The following RBFOX1 variants were observed in gnomAD, a reference collection of about 807,000 sequenced individuals.
The protein encoded by RBFOX1 is RNA binding protein fox-1 homolog 1.
A neutral mutation model predicts 57.7 loss-of-function variants in RBFOX1; 8 were observed. That is an observed-to-expected ratio of 0.14 (90% CI 0.08 to 0.25). RBFOX1 has a LOEUF of 0.25. Among genes scored for constraint, RBFOX1 ranks in the 10% least tolerant of loss-of-function variants. RBFOX1 has a pLI of 1.00. For synonymous variants in RBFOX1, 326 were observed against 222.4 expected, an observed-to-expected ratio of 1.47 and a Z score of -4.15; for missense variants, 611 against 548.5, an observed-to-expected ratio of 1.11 and a Z score of -1.14.
chr16:5,935,926 C>G (rs533770300), intron 4 of RBFOX1, among the ~76,000 whole-genome samples: 4 of 152,278 alleles, frequency 2.6e-5, no homozygotes, highest in African/African-American at 9.6e-5. Flanking sequence ...AAAACTCTAC[C>G]TCAACCAGCC....
intron 4 of RBFOX1, among the ~76,000 whole-genome samples, chr16:7,224,896 T>G (rs1329100138): frequency 6.6e-6 from 1 of 152,160 alleles, no homozygotes; most frequent in Non-Finnish European, 1.5e-5. Context: ...GGTGATTTCA[T>G]GTACTTTGAG....
At chr16:5,765,284 A>T (rs910748381) in intron 3 of RBFOX1, among the ~76,000 whole-genome samples, 1 of 152,194 alleles carries the variant, frequency 6.6e-6, no homozygotes, top group Non-Finnish European at 1.5e-5. Context: ...GCACTCCCCC[A>T]GTCTAAGACA....
chr16:6,134,519 A>C (rs985899959), intron 1 of RBFOX1, among the ~76,000 whole-genome samples: 1 of 152,260 alleles, frequency 6.6e-6, no homozygotes, highest in Non-Finnish European at 1.5e-5. Context: ...AGCTCGGGGA[A>C]ACCTAAAGCT....
intron 14 of RBFOX1, among the ~76,000 whole-genome samples, chr16:7,698,602 A>C (rs958329598): frequency 1.3e-5 from 2 of 152,202 alleles, no homozygotes; most frequent in African/African-American, 4.8e-5. Flanking sequence ...CCAATTGGCC[A>C]TTCCTCTAAC....
chr16:7,595,732 T>C, intron 8 of RBFOX1, 91 bp downstream of exon 8: 1 of 853,780 alleles, frequency 1.2e-6, no homozygotes, highest in Non-Finnish European at 1.7e-6. Context: ...TGGCGTCTTG[T>C]ATGTGACCCT....
intron 1 of RBFOX1, among the ~76,000 whole-genome samples, chr16:6,120,476 C>G (rs577705176): frequency 5.3e-5 from 8 of 152,104 alleles, no homozygotes; most frequent in Non-Finnish European, 7.4e-5. Flanking sequence ...TGAATGGCAT[C>G]CTCTCCACCA....
intron 1 of RBFOX1, among the ~76,000 whole-genome samples, chr16:6,306,670 C>G (rs1345215643): frequency 6.6e-6 from 1 of 152,164 alleles, no homozygotes; most frequent in Admixed American, 6.5e-5. Context: ...TGGGAAGGAG[C>G]ATTTTCATCT....
chr16:6,724,719 A>C (rs1280419243), intron 3 of RBFOX1, among the ~76,000 whole-genome samples: 1 of 152,148 alleles, frequency 6.6e-6, no homozygotes, highest in Admixed American at 6.5e-5. Context: ...CATATAGGGT[A>C]ACTTTTTTTT....
chr16:7,425,577 T>C (rs879500084), intron 4 of RBFOX1, among the ~76,000 whole-genome samples: 28 of 152,340 alleles, frequency 1.8e-4, no homozygotes, highest in Middle Eastern at 3.4e-3. Context: ...ATGTTCCTTC[T>C]GAAATTACAT....
At chr16:6,985,794 A>C (rs1249542671) in intron 3 of RBFOX1, among the ~76,000 whole-genome samples, 7 of 139,190 alleles carry the variant, frequency 5.0e-5, no homozygotes, top group Non-Finnish European at 1.1e-4. Context: ...AGTTGGTGCT[A>C]CTGCACTCCG....
chr16:6,068,447 G>A (rs2095795046), intron 1 of RBFOX1, among the ~76,000 whole-genome samples: 1 of 152,122 alleles, frequency 6.6e-6, no homozygotes, highest in South Asian at 2.1e-4. Flanking sequence ...CCTTTCCTGG[G>A]CCTTGAAGCA....
chr16:6,037,964 T>C (rs1567309336), intron 1 of RBFOX1: 1 of 152,082 alleles, frequency 6.6e-6, no homozygotes, highest in Non-Finnish European at 1.5e-5. Context: ...TAATGGCCCA[T>C]TGTGAGGACT....
intron 3 of RBFOX1, among the ~76,000 whole-genome samples, chr16:5,678,508 C>A (rs1227211943): frequency 6.6e-6 from 1 of 152,138 alleles, no homozygotes; most frequent in East Asian, 1.9e-4. Flanking sequence ...TCATGATGAT[C>A]TTTTGAGTAT....
At chr16:5,732,419 C>T (rs1314478891) in intron 3 of RBFOX1, among the ~76,000 whole-genome samples, 1 of 152,184 alleles carries the variant, frequency 6.6e-6, no homozygotes, top group African/African-American at 2.4e-5. Context: ...AGCTTAGTGG[C>T]AGTATGATTG....
rs540193491 is a variant in RBFOX1 at position 5,248,653 on chromosome 16, C to A, written c.219+8548C>A. ...CTCTGAAAGGGGGTGCAGGGTGTGC[C>A]CAGGAAAAGCTGTTCGGGGGAGACT... On this transcript the variant is annotated intron_variant, in intron 1 of 2. Transcript: ENST00000585867. Among the ~76,000 whole-genome samples, 3 of 152,030 alleles carry A rather than the reference C, an allele frequency of 2.0e-5. 1 individual carries two copies. The East Asian group carries it at 5.8e-4, about 29-fold the overall frequency.
Position 6,104,024 on chromosome 16 carries a change from G to C in RBFOX1, c.-127+84032G>C, listed in dbSNP as rs79238882. Among the ~76,000 whole-genome samples, 1,422 of 152,056 alleles carry C rather than the reference G, an allele frequency of 9.4e-3. 24 individuals carry two copies. The highest frequency in any genetic ancestry group is 0.032 in the African/African-American group (1,339 of 41,458). ...GTTCCCAGTTCTTGCCTTGACCCTAGAGAATTTCAACACTCTGGTCCTCAG... is the reference window on the plus strand; with the variant it reads ...GTTCCCAGTTCTTGCCTTGACCCTACAGAATTTCAACACTCTGGTCCTCAG... On this transcript the variant is annotated intron_variant, in intron 1 of 15. Coordinates refer to ENST00000550418, the MANE Select transcript of RBFOX1 (RefSeq NM_018723.4).
intron 2 of RBFOX1, among the ~76,000 whole-genome samples, chr16:6,496,678 G>A (rs1049879032): frequency 1.3e-5 from 2 of 152,144 alleles, no homozygotes; most frequent in African/African-American, 4.8e-5. Context: ...AGCGAGTATT[G>A]GCCGGGCACG....
chr16:6,930,960 C>A (rs2076410916), intron 3 of RBFOX1, among the ~76,000 whole-genome samples: 1 of 151,828 alleles, frequency 6.6e-6, no homozygotes, highest in African/African-American at 2.4e-5. Flanking sequence ...GTATCCCACC[C>A]CCCTACACAC....
At chr16:6,457,447 C>G (rs943667975) in intron 2 of RBFOX1, among the ~76,000 whole-genome samples, 1 of 147,034 alleles carries the variant, frequency 6.8e-6, no homozygotes, top group East Asian at 2.0e-4. Flanking sequence ...GTCCCCCCCC[C>G]CGCAATAGCT....
Sources: gnomAD v4.1 joint callset for allele counts (sites outside exome capture counted in the v4.1 genomes callset) on GRCh38, gnomAD v4.1.1 for gene constraint, MANE v1.5 for transcripts, NCBI Gene and HGNC (gene_info 2026-07-23, HGNC 2026-07-21) for gene names.